SRPK2: variants seen among roughly 807,000 people sequenced by gnomAD.
SRPK2 encodes SRSF protein kinase 2.
SRPK2 carries 21 observed loss-of-function variants against 90.8 expected under a neutral mutation model. The ratio of observed to expected loss-of-function variants is 0.23; its 90% CI spans 0.16 to 0.33. SRPK2 has a LOEUF of 0.33. Ranked by LOEUF, SRPK2 falls within the 10% of genes least tolerant of loss-of-function variation. The pLI is 1.00. For synonymous variants in SRPK2, 288 were observed against 311.1 expected, an observed-to-expected ratio of 0.93 and a Z score of 0.78; for missense variants, 620 against 869.0, an observed-to-expected ratio of 0.71 and a Z score of 3.60.
At chr7:105,216,069 CA>C (rs767351592) in intron 2 of SRPK2, among the ~76,000 whole-genome samples, 1,602 of 60,102 alleles carry the variant, frequency 0.027, 13 homozygotes, top group Admixed American at 0.053. Context: ...CCCATCTCTA[CA>C]AAAAAAAAAA....
intron 2 of SRPK2, among the ~76,000 whole-genome samples, chr7:105,345,252 TGAAG>T (rs1563265054): frequency 6.6e-6 from 1 of 151,470 alleles, no homozygotes; most frequent in Non-Finnish European, 1.5e-5. Flanking sequence ...TTTAAAACAC[TGAAG>T]GAAGGAAAGG....
At chr7:105,272,706 C>A (rs1023682093) in intron 2 of SRPK2, among the ~76,000 whole-genome samples, 2 of 152,032 alleles carry the variant, frequency 1.3e-5, no homozygotes, top group African/African-American at 2.4e-5. Context: ...AGTTTCCAGC[C>A]CAATATTCTC....
chr7:105,330,758 C>CT (rs966274956), intron 2 of SRPK2, among the ~76,000 whole-genome samples: 5 of 152,040 alleles, frequency 3.3e-5, no homozygotes, highest in African/African-American at 1.2e-4. Flanking sequence ...GGCAGGAGGA[C>CT]TGCTTGAGGC....
chr7:105,269,628 A>C (rs1364290885), intron 2 of SRPK2, among the ~76,000 whole-genome samples: 2 of 152,208 alleles, frequency 1.3e-5, no homozygotes, highest in African/African-American at 4.8e-5. Flanking sequence ...AGTTCAACTT[A>C]ATTAAAAGAT....
At position 105,142,017 on chromosome 7, in the gene SRPK2, A is replaced by C; in HGVS notation, c.1534T>G (p.Leu512Val). ...RTVSASSTGD[L>V]PKAKTRAADL... ...GGGAAGAAACACTTACCTTTTGGCAAATCCCCAGTACTGGAGGCTGAAACC... is the reference window on the plus strand; with the variant it reads ...GGGAAGAAACACTTACCTTTTGGCACATCCCCAGTACTGGAGGCTGAAACC... Residue 512 changes from leucine to valine, a missense_variant, in exon 11 of 16, where the codon TTG (leucine) becomes GTG (valine). Leu to Val is a conservative substitution (Grantham distance 32). This residue lies in a region of SRPK2 where 243 missense variants were observed against 245.7 expected (regional missense o/e 0.99). Transcript: ENST00000393651. The C allele has an allele frequency of 6.2e-7, 1 of 1,602,612 alleles. No homozygotes were observed. The highest frequency in any genetic ancestry group is 1.3e-5 in the African/African-American group (1 of 74,476).
At chr7:105,143,582 A>G in intron 9 of SRPK2, 2 of 488,926 alleles carry the variant, frequency 4.1e-6, no homozygotes, top group South Asian at 5.4e-5. Context: ...TAAATCCAGT[A>G]AGTCTTCACC....
intron 2 of SRPK2, among the ~76,000 whole-genome samples, chr7:105,291,500 A>G (rs911143888): frequency 6.6e-6 from 1 of 151,928 alleles, no homozygotes; most frequent in Non-Finnish European, 1.5e-5. Context: ...AGGCCGAGGC[A>G]GGTGGATCAC....
rs10533429 is a variant in SRPK2, at chr7:105,232,458, TAA to T, written c.72-28675_72-28674del. Reference sequence around the variant, plus strand: ...TGGGCAACAAGAGCGAAACCTTATCTAAAAAAAAAAAAAAAAAAAAAAAAGAT... The same window carrying T: ...TGGGCAACAAGAGCGAAACCTTATCTAAAAAAAAAAAAAAAAAAAAAAGAT... On this transcript the variant is annotated intron_variant, in intron 2 of 15. Transcript: ENST00000393651. 2.3e-3 allele frequency among the ~76,000 whole-genome samples: 306 copies of T among 132,074 alleles called. 1 individual carries two copies. Among genetic ancestry groups the T allele is most frequent in the East Asian group, 0.017 (60 of 3,444 alleles). 86.6% of individuals were successfully genotyped at this position (132,074 alleles called of 152,430 possible).
intron 2 of SRPK2, among the ~76,000 whole-genome samples, chr7:105,288,739 TA>T (rs1276414704): frequency 1.3e-5 from 2 of 151,898 alleles, no homozygotes; most frequent in African/African-American, 4.8e-5. Flanking sequence ...ATGATAAAAA[TA>T]TAGGATAAAA....
At chr7:105,281,135 C>A (rs898538073) in intron 2 of SRPK2, among the ~76,000 whole-genome samples, 19 of 151,468 alleles carry the variant, frequency 1.3e-4, no homozygotes, top group Non-Finnish European at 2.2e-4. Context: ...CTCTCTAGGT[C>A]GCCCAGGCTG....
At chr7:105,167,203 A>G (rs1275537919) in intron 6 of SRPK2, among the ~76,000 whole-genome samples, 174 bp downstream of exon 6, 1 of 152,166 alleles carries the variant, frequency 6.6e-6, no homozygotes, top group Non-Finnish European at 1.5e-5. Context: ...ACTCTACCAA[A>G]CACCCCAAAA....
intron 8 of SRPK2, among the ~76,000 whole-genome samples, chr7:105,146,232 G>GA (rs1411644950): frequency 6.6e-6 from 1 of 152,200 alleles, no homozygotes; most frequent in Non-Finnish European, 1.5e-5. Flanking sequence ...GCTGGCAACA[G>GA]AAAAAACTGT....
chr7:105,288,604 TA>T (rs1438068080), intron 2 of SRPK2, among the ~76,000 whole-genome samples: 1 of 151,676 alleles, frequency 6.6e-6, no homozygotes, highest in Non-Finnish European at 1.5e-5. Flanking sequence ...CCATCTCAAA[TA>T]AACAACAACA....
intron 2 of SRPK2, among the ~76,000 whole-genome samples, chr7:105,300,077 G>C (rs1810338509): frequency 6.6e-6 from 1 of 151,466 alleles, no homozygotes; most frequent in African/African-American, 2.4e-5. Context: ...CACAGTATTA[G>C]CAATAATTGG....
chr7:105,275,850 T>C (rs1189147448), intron 2 of SRPK2, among the ~76,000 whole-genome samples: 3 of 152,190 alleles, frequency 2.0e-5, no homozygotes, highest in Admixed American at 1.3e-4. Context: ...ATATGCTCCT[T>C]TGTCATTCAG....
intron 7 of SRPK2, among the ~76,000 whole-genome samples, chr7:105,152,913 A>G (rs1805923565): frequency 6.6e-6 from 1 of 152,166 alleles, no homozygotes; most frequent in Admixed American, 6.5e-5. Flanking sequence ...GCATGCCTGT[A>G]ATCCCAGCTA....
chr7:105,249,998 C>T (rs1395618961), intron 2 of SRPK2, among the ~76,000 whole-genome samples: 3 of 152,134 alleles, frequency 2.0e-5, no homozygotes, highest in Non-Finnish European at 2.9e-5. Flanking sequence ...AAAGCATGAC[C>T]ATTTCACTGA....
At chr7:105,339,082 T>C (rs1815446533) in intron 2 of SRPK2, among the ~76,000 whole-genome samples, 1 of 152,236 alleles carries the variant, frequency 6.6e-6, no homozygotes, top group Non-Finnish European at 1.5e-5. Context: ...ATTTGTATTT[T>C]ACAAAGTTTT....
At chr7:105,241,169 T>C (rs1800767755) in intron 2 of SRPK2, among the ~76,000 whole-genome samples, 1 of 152,168 alleles carries the variant, frequency 6.6e-6, no homozygotes, top group Non-Finnish European at 1.5e-5. Flanking sequence ...GATGGTGACA[T>C]ATTGAGGTAT....
Sources: allele counts gnomAD v4.1 joint callset (sites outside exome capture counted in the v4.1 genomes callset), GRCh38; gene constraint gnomAD v4.1.1; regional missense constraint gnomAD v4.1.1; transcripts MANE v1.5; gene names NCBI Gene and HGNC (gene_info 2026-07-23, HGNC 2026-07-21).